The following LRRC2 variants were observed in gnomAD, a reference collection of about 807,000 sequenced individuals.
LRRC2 encodes the protein leucine rich repeat containing 2.
Under a neutral mutation model 40.2 loss-of-function variants are expected in LRRC2, and 27 were observed. The observed-to-expected ratio is 0.67, with a 90% CI of 0.49 to 0.93. The LOEUF is 0.93. LRRC2 is among the 40% of genes least tolerant of loss of function. The probability of loss-of-function intolerance (pLI) is 0.00; values close to 1 mark genes in which losing one functional copy is unlikely to be tolerated. For synonymous variants in LRRC2, 147 were observed against 158.9 expected (o/e 0.92, Z 0.56); for missense variants, 402 against 439.6 (o/e 0.91, Z 0.76).
rs1364933716 is a variant in LRRC2, at chr3:46,516,408, A to C, written c.*2606T>G. Reference sequence around the variant, plus strand: ...ACTTATGAGTAAGCCCACCAAGACAAAATATTGGGATGTCAATAATAACCT... The same window carrying C: ...ACTTATGAGTAAGCCCACCAAGACACAATATTGGGATGTCAATAATAACCT... On this transcript the variant is annotated 3_prime_UTR_variant, in exon 9 of 9. Coordinates refer to ENST00000395905, the MANE Select transcript of LRRC2 (RefSeq NM_024512.5). 6.6e-6 allele frequency: 1 copy of C among 152,172 alleles called. No individual in the cohort carries two copies. The highest frequency in any genetic ancestry group is 2.4e-5 in the African/African-American group (1 of 41,430). 9.4% of individuals were successfully genotyped at this position (152,172 alleles called of 1,614,324 possible).
chr3:46,522,952 G>A lies in LRRC2; in HGVS notation c.930-1294C>T, dbSNP rs560595677. ...GTTTTTGGTTGCAATTGCAGGCCCTGCTGTCTTGAGATGTTAGCGTGTTCT... is the reference window on the plus strand; with the variant it reads ...GTTTTTGGTTGCAATTGCAGGCCCTACTGTCTTGAGATGTTAGCGTGTTCT... On this transcript the variant is annotated intron_variant, in intron 7 of 8. Coordinates refer to ENST00000395905, the MANE Select transcript of LRRC2 (RefSeq NM_024512.5). Among the ~76,000 whole-genome samples, 6 of 152,230 alleles carry A rather than the reference G, an allele frequency of 3.9e-5. No individual in the cohort carries two copies. In the South Asian group the frequency reaches 1.0e-3, roughly 26 times the overall value.
chr3:46,547,996 A>G (rs933687907), intron 2 of LRRC2, among the ~76,000 whole-genome samples: 6 of 152,104 alleles, frequency 3.9e-5, no homozygotes, highest in African/African-American at 1.5e-4. Context: ...ATACCTCCAA[A>G]ATTTTTAAAA....
chr3:46,542,000 G>C (rs1704404998), intron 3 of LRRC2, among the ~76,000 whole-genome samples: 1 of 152,050 alleles, frequency 6.6e-6, no homozygotes, highest in Non-Finnish European at 1.5e-5. Context: ...GTGCATTCAT[G>C]AACATTCATG....
At chr3:46,522,074 T>C (rs1189349792) in intron 7 of LRRC2, among the ~76,000 whole-genome samples, 2 of 152,136 alleles carry the variant, frequency 1.3e-5, no homozygotes, top group Non-Finnish European at 2.9e-5. Flanking sequence ...ACAAAATGTG[T>C]ATTTAAAAGA....
At position 46,518,944 on chromosome 3, in the gene LRRC2, T is replaced by C; in HGVS notation, c.*70A>G. 2 of 1,047,758 alleles carry C rather than the reference T, an allele frequency of 1.9e-6. No homozygotes were observed. The highest frequency in any genetic ancestry group is 1.3e-5 in the South Asian group (1 of 77,810). 64.9% of individuals were successfully genotyped at this position (1,047,758 alleles called of 1,614,324 possible). ...TTAAGCACAAGCCATTCTTCCTATATGACATGATCATAACAAAGATTTATA... is the reference window on the plus strand; with the variant it reads ...TTAAGCACAAGCCATTCTTCCTATACGACATGATCATAACAAAGATTTATA... On this transcript the variant is annotated 3_prime_UTR_variant, in exon 9 of 9. Transcript: ENST00000395905.
chr3:46,551,509 T>G lies in LRRC2; in HGVS notation c.83A>C (p.Gln28Pro), dbSNP rs1559418707. 5.0e-6 allele frequency: 8 copies of G among 1,614,106 alleles called. No homozygotes were observed. Among genetic ancestry groups the G allele is most frequent in the Non-Finnish European group, 6.8e-6 (8 of 1,179,980 alleles). The change falls in exon 2 of 9, where the codon CAG becomes CCG. Residue 28 changes from glutamine (Q) to proline (P), a missense_variant. Gln to Pro is a moderately conservative substitution (Grantham distance 76). Coordinates refer to ENST00000395905, the MANE Select transcript of LRRC2 (RefSeq NM_024512.5). ...CTCAAGCCTTTCCACCTCCTTCTTC[T>G]GCCAAGCTTTGTGCTTCTTGACACG... The part of the protein sequence containing the change: ...ETRVKKHKAW[Q>P]KKEVERLEKS...
rs1703916849 is a variant in LRRC2, at chr3:46,518,944, T to A, written c.*70A>T. 9.5e-7 allele frequency: 1 copy of A among 1,047,758 alleles called. No individual in the cohort carries two copies. Among genetic ancestry groups the A allele is most frequent in the East Asian group, 2.4e-5 (1 of 42,160 alleles). 64.9% of individuals were successfully genotyped at this position (1,047,758 alleles called of 1,614,324 possible). On this transcript the variant is annotated 3_prime_UTR_variant, in exon 9 of 9. Coordinates refer to ENST00000395905, the MANE Select transcript of LRRC2 (RefSeq NM_024512.5). ...TTAAGCACAAGCCATTCTTCCTATA[T>A]GACATGATCATAACAAAGATTTATA...
intron 5 of LRRC2, among the ~76,000 whole-genome samples, chr3:46,530,805 C>G (rs1238254227): frequency 6.6e-6 from 1 of 152,198 alleles, no homozygotes; most frequent in East Asian, 1.9e-4. Flanking sequence ...TTACCTCCCA[C>G]CAGGTCCCTC....
At chr3:46,530,650 G>A (rs1392186576) in intron 5 of LRRC2, among the ~76,000 whole-genome samples, 1 of 152,204 alleles carries the variant, frequency 6.6e-6, no homozygotes, top group Non-Finnish European at 1.5e-5. Flanking sequence ...ATGGTGGAAG[G>A]CAAAGGAGAA....
chr3:46,548,340 T>G (rs1231076950), intron 2 of LRRC2, among the ~76,000 whole-genome samples: 2 of 152,230 alleles, frequency 1.3e-5, no homozygotes, highest in African/African-American at 4.8e-5. Flanking sequence ...TTTTCCTTCT[T>G]AAATATTTTA....
At chr3:46,541,900 G>C (rs551641401) in intron 3 of LRRC2, among the ~76,000 whole-genome samples, 15 of 152,262 alleles carry the variant, frequency 9.9e-5, no homozygotes, top group African/African-American at 3.6e-4. Flanking sequence ...GCAATCAGAT[G>C]ATGAGTGATG....
intron 1 of LRRC2, among the ~76,000 whole-genome samples, chr3:46,564,585 C>A (rs1705018285): frequency 6.6e-6 from 1 of 152,084 alleles, no homozygotes; most frequent in Non-Finnish European, 1.5e-5. Context: ...GGAGACTCAC[C>A]TCATCATGCA....
intron 4 of LRRC2, among the ~76,000 whole-genome samples, chr3:46,533,902 TC>T (rs1418376646): frequency 5.9e-5 from 9 of 151,502 alleles, no homozygotes; most frequent in African/African-American, 2.2e-4. Context: ...TCCTTTCTTT[TC>T]TTTTTTTTTT....
intron 2 of LRRC2, among the ~76,000 whole-genome samples, chr3:46,550,699 T>C (rs1213078910): frequency 6.6e-6 from 1 of 152,194 alleles, no homozygotes; most frequent in African/African-American, 2.4e-5. Flanking sequence ...CCCCTACACA[T>C]CTTGCTTTTA....
At chr3:46,528,971 G>A (rs1704110933) in intron 6 of LRRC2, among the ~76,000 whole-genome samples, 2 of 152,048 alleles carry the variant, frequency 1.3e-5, no homozygotes, top group African/African-American at 4.8e-5. Flanking sequence ...TAAAAAAGTA[G>A]CCAGGCATGA....
At chr3:46,540,060 T>C (rs767006772) in intron 3 of LRRC2, among the ~76,000 whole-genome samples, 2 of 152,188 alleles carry the variant, frequency 1.3e-5, no homozygotes, top group African/African-American at 2.4e-5. Context: ...GAAAACTCCA[T>C]GGCAGTTGAA....
intron 4 of LRRC2, among the ~76,000 whole-genome samples, chr3:46,533,421 A>T (rs1356559460): frequency 6.6e-6 from 1 of 152,228 alleles, no homozygotes; most frequent in Non-Finnish European, 1.5e-5. Flanking sequence ...AAATGTTTAA[A>T]TACAGATTCT....
intron 2 of LRRC2, among the ~76,000 whole-genome samples, chr3:46,547,486 A>G (rs1704549931): frequency 6.6e-6 from 1 of 151,284 alleles, no homozygotes; most frequent in Admixed American, 6.6e-5. Flanking sequence ...TGTCTCTACA[A>G]AAAATACAAG....
At chr3:46,551,371 CCAG>C (rs1488554533) in intron 2 of LRRC2, 93 bp downstream of exon 2, 19 of 1,455,532 alleles carry the variant, frequency 1.3e-5, no homozygotes, top group Non-Finnish European at 1.7e-5. Flanking sequence ...GTGAGAAATC[CCAG>C]AAGAAAAGCA....
Sources: allele counts gnomAD v4.1 joint callset (sites outside exome capture counted in the v4.1 genomes callset), GRCh38; gene constraint gnomAD v4.1.1; transcripts MANE v1.5; gene names NCBI Gene and HGNC (gene_info 2026-07-23, HGNC 2026-07-21).